The following ARHGAP22 variants were observed in gnomAD, a reference collection of about 807,000 sequenced individuals.
The protein encoded by ARHGAP22 is Rho GTPase activating protein 22, also known as rho GTPase-activating protein 22.
Under a neutral mutation model 59.1 loss-of-function variants are expected in ARHGAP22, and 48 were observed. The observed-to-expected ratio is 0.81, with a 90% CI of 0.64 to 1.03. The LOEUF (loss-of-function observed/expected upper bound fraction) is 1.03, where lower values mean the gene tolerates loss of function less well. ARHGAP22 is among the 50% of genes least tolerant of loss of function. ARHGAP22 has a pLI of 0.00. For missense variants in ARHGAP22, 1,015 were observed against 958.7 expected, an observed-to-expected ratio of 1.06 and a Z score of -0.78; for synonymous variants, 445 against 416.4, an observed-to-expected ratio of 1.07 and a Z score of -0.84.
rs1035072295 is a variant in ARHGAP22, at chr10:48,450,161, A to G, written c.1868+100T>C. On this transcript the variant is annotated intron_variant, in intron 9 of 9. Coordinates refer to ENST00000249601, the MANE Select transcript of ARHGAP22 (RefSeq NM_021226.4). ...CTCTCTGAGGCTGGCTTCCAGGGCC[A>G]GCGGCCCAGAGGTTAGGGGCCGACG... is the stretch of plus-strand genomic sequence containing the variant. 3.4e-6 allele frequency: 5 copies of G among 1,455,998 alleles called. No homozygotes were observed. In the East Asian group the frequency reaches 1.2e-4, roughly 36 times the overall value. The allele number at this position is 1,455,998 out of a possible 1,614,324, so 90.2% of individuals were successfully genotyped here.
chr10:48,617,381 T>C (rs1008006958), intron 1 of ARHGAP22, among the ~76,000 whole-genome samples: 3 of 152,112 alleles, frequency 2.0e-5, no homozygotes. Flanking sequence ...GTACACTTCA[T>C]CCTAAAGCTC....
At chr10:48,463,263 T>C (rs1045049320) in intron 4 of ARHGAP22, among the ~76,000 whole-genome samples, 1 of 152,204 alleles carries the variant, frequency 6.6e-6, no homozygotes, top group African/African-American at 2.4e-5. Flanking sequence ...TCTCATGTGG[T>C]CTTGACAGGT....
chr10:48,655,076 T>C (rs1206512151), upstream of ARHGAP22, among the ~76,000 whole-genome samples: 12 of 43,596 alleles, frequency 2.8e-4, no homozygotes, highest in African/African-American at 4.8e-4. Flanking sequence ...CTCCTTCTCT[T>C]CTCTTCTCTT....
chr10:48,493,980 C>T (rs1456374397), intron 3 of ARHGAP22, among the ~76,000 whole-genome samples: 1 of 152,268 alleles, frequency 6.6e-6, no homozygotes, highest in Non-Finnish European at 1.5e-5. Flanking sequence ...GCTTATGCCA[C>T]ATGGTCTTGA....
chr10:48,495,892 T>C (rs2050873737), intron 3 of ARHGAP22, among the ~76,000 whole-genome samples: 1 of 152,120 alleles, frequency 6.6e-6, no homozygotes. Context: ...GAGAGAAGCC[T>C]CCAGAAACAG....
chr10:48,583,375 C>T (rs948555973), intron 1 of ARHGAP22, among the ~76,000 whole-genome samples: 1 of 152,186 alleles, frequency 6.6e-6, no homozygotes, highest in African/African-American at 2.4e-5. Context: ...ACAGCCTGCC[C>T]ACCTGGTTAG....
chr10:48,590,527 G>C (rs1216983876), intron 1 of ARHGAP22, among the ~76,000 whole-genome samples: 1 of 152,146 alleles, frequency 6.6e-6, no homozygotes, highest in African/African-American at 2.4e-5. Context: ...GAGTCTACCT[G>C]TTCCCCATAG....
In ARHGAP22 at chr10:48,605,056, C is replaced by A; in HGVS notation, c.-260G>T. 1 of 1,399,158 alleles carries A rather than the reference C, an allele frequency of 7.1e-7. No homozygotes were observed. The highest frequency in any genetic ancestry group is 2.7e-5 in the East Asian group (1 of 37,508). 86.7% of individuals were successfully genotyped at this position (1,399,158 alleles called of 1,614,324 possible). On this transcript the variant is annotated 5_prime_UTR_variant, in exon 1 of 10. Transcript: ENST00000249601. ...AGCGGACCATTAAAGCCTCAGTAAT[C>A]ACTGCTGATCAATCACTGGACCAGG... is the stretch of plus-strand genomic sequence containing the variant.
chr10:48,473,168 AAGAG>A (rs1423570966), intron 4 of ARHGAP22, among the ~76,000 whole-genome samples: 4 of 152,398 alleles, frequency 2.6e-5, no homozygotes, highest in Admixed American at 2.6e-4. Flanking sequence ...GAGCTTAAAA[AAGAG>A]AGAAATTCCA....
chr10:48,447,470 AC>A (rs2045474940), intron 9 of ARHGAP22, among the ~76,000 whole-genome samples: 1 of 152,212 alleles, frequency 6.6e-6, no homozygotes, highest in African/African-American at 2.4e-5. Flanking sequence ...AGGGGCCAGC[AC>A]AGCACCTGGT....
intron 5 of ARHGAP22, among the ~76,000 whole-genome samples, chr10:48,458,001 C>T (rs1323625826): frequency 6.6e-6 from 1 of 151,758 alleles, no homozygotes; most frequent in East Asian, 1.9e-4. Flanking sequence ...TGGGGAGGGC[C>T]CCTCTGTGGG....
chr10:48,520,719 G>T (rs985319670), intron 3 of ARHGAP22, among the ~76,000 whole-genome samples: 12 of 152,120 alleles, frequency 7.9e-5, no homozygotes, highest in African/African-American at 2.7e-4. Context: ...GAAGAGCATG[G>T]GACCTGGTCA....
chr10:48,592,564 C>T (rs906869242), intron 1 of ARHGAP22, among the ~76,000 whole-genome samples: 3 of 152,184 alleles, frequency 2.0e-5, no homozygotes, highest in South Asian at 2.1e-4. Context: ...CCCATCTCCC[C>T]GTCTTCCTGA....
At chr10:48,493,217 C>T (rs1391953145) in intron 3 of ARHGAP22, among the ~76,000 whole-genome samples, 1 of 152,182 alleles carries the variant, frequency 6.6e-6, no homozygotes, top group Non-Finnish European at 1.5e-5. Flanking sequence ...GGGCAATGAG[C>T]CAGCTGGAGG....
At chr10:48,590,440 G>T (rs2059682714) in intron 1 of ARHGAP22, among the ~76,000 whole-genome samples, 1 of 152,054 alleles carries the variant, frequency 6.6e-6, no homozygotes, top group South Asian at 2.1e-4. Context: ...GGGCAAGGAG[G>T]TGCCCTGTAG....
At chr10:48,515,608 G>A (rs945976407) in intron 3 of ARHGAP22, among the ~76,000 whole-genome samples, 14 of 152,210 alleles carry the variant, frequency 9.2e-5, no homozygotes, top group Non-Finnish European at 2.1e-4. Context: ...CCTAATAACA[G>A]CAGCATGCAC....
At chr10:48,591,498 T>A (rs532793774) in intron 1 of ARHGAP22, among the ~76,000 whole-genome samples, 77 of 152,270 alleles carry the variant, frequency 5.1e-4, no homozygotes, top group African/African-American at 1.8e-3. Flanking sequence ...ATGGGTATGC[T>A]GAACTTCAGC....
intron 1 of ARHGAP22, among the ~76,000 whole-genome samples, chr10:48,640,062 T>C (rs2061981735): frequency 6.6e-6 from 1 of 152,144 alleles, no homozygotes; most frequent in South Asian, 2.1e-4. Context: ...GAGTTGAACA[T>C]TCAATAACTA....
intron 7 of ARHGAP22, 107 bp downstream of exon 7, chr10:48,453,981 G>A: frequency 8.4e-7 from 1 of 1,190,416 alleles, no homozygotes; most frequent in African/African-American, 1.5e-5. Context: ...GGTGGGGAAT[G>A]ACCCGGGCCC....
Sources: gnomAD v4.1 joint callset for allele counts (sites outside exome capture counted in the v4.1 genomes callset) on GRCh38, gnomAD v4.1.1 for gene constraint, MANE v1.5 for transcripts, NCBI Gene and HGNC (gene_info 2026-07-23, HGNC 2026-07-21) for gene names.